Variants in BCL11B observed in about 807,000 individuals in gnomAD.
BCL11B encodes the protein BCL11 transcription factor B.
In BCL11B, 8 loss-of-function variants were observed where a neutral mutation model predicts 49.9. The observed-to-expected ratio is 0.16, with a 90% CI of 0.09 to 0.29. The LOEUF is 0.29. Ranked by LOEUF, BCL11B falls within the 10% of genes least tolerant of loss-of-function variation. The probability of loss-of-function intolerance (pLI) is 1.00; values close to 1 mark genes in which losing one functional copy is unlikely to be tolerated. For synonymous variants in BCL11B, 739 were observed against 637.4 expected (o/e 1.16, Z -2.40); for missense variants, 1,006 against 1,351.0 (o/e 0.74, Z 4.00).
In BCL11B at chr14:99,186,811, A is replaced by G. The variant is rs186880776; in HGVS notation, c.641-10616T>C. On this transcript the variant is annotated intron_variant, in intron 3 of 3. Transcript: ENST00000357195. The stretch of plus-strand genomic sequence containing the variant: ...CTGTTCAGTATTAAGGAAAATCTCA[A>G]TATAACAAAAGGATGCATGTGAACC... Among the ~76,000 whole-genome samples the G allele has an allele frequency of 2.7e-4, 41 of 152,320 alleles. No homozygotes were observed. In the South Asian group the frequency reaches 4.6e-3, roughly 17 times the overall value.
Position 99,248,997 on chromosome 14 carries a change from T to C in BCL11B, c.427+8474A>G, listed in dbSNP as rs1313786892. Among the ~76,000 whole-genome samples the C allele has an allele frequency of 6.6e-6, 1 of 152,156 alleles. No individual in the cohort carries two copies. The highest frequency in any genetic ancestry group is 1.5e-5 in the Non-Finnish European group (1 of 68,016). ...AACAGGGCCACTTGCCTGTAACTCA[T>C]GACGAGGTGGGGGCCAGCTCCTCCC... On this transcript the variant is annotated intron_variant, in intron 2 of 3. Coordinates refer to ENST00000357195, the MANE Select transcript of BCL11B (RefSeq NM_138576.4). The surrounding 1 kb of genome is among the most constrained non-coding windows in gnomAD (Gnocchi z 4.7).
intron 2 of BCL11B, among the ~76,000 whole-genome samples, chr14:99,245,288 G>A (rs1285266033): frequency 6.6e-6 from 1 of 152,238 alleles, no homozygotes; most frequent in Non-Finnish European, 1.5e-5. Context: ...AGGCTGAAAG[G>A]AGGACTGACA....
intron 3 of BCL11B, among the ~76,000 whole-genome samples, chr14:99,217,800 G>A (rs192401257): frequency 1.0e-3 from 159 of 152,170 alleles, no homozygotes; most frequent in African/African-American, 3.4e-3. Flanking sequence ...TGACCCCGCC[G>A]CCTGCCACCA....
At chr14:99,191,437 G>A (rs1176180003) in intron 3 of BCL11B, among the ~76,000 whole-genome samples, 2 of 152,060 alleles carry the variant, frequency 1.3e-5, no homozygotes, top group Admixed American at 6.6e-5. Flanking sequence ...AGAAAGTGGG[G>A]AGTCAGGAAG....
chr14:99,226,339 G>A (rs569023543), intron 3 of BCL11B, among the ~76,000 whole-genome samples: 1 of 152,106 alleles, frequency 6.6e-6, no homozygotes, highest in African/African-American at 2.4e-5. Flanking sequence ...GTCCACACAC[G>A]CTCACTCACA....
chr14:99,212,797 C>T (rs945511698), intron 3 of BCL11B, among the ~76,000 whole-genome samples: 3 of 152,192 alleles, frequency 2.0e-5, no homozygotes, highest in East Asian at 1.9e-4. Context: ...AGAAAGACTG[C>T]ACTGCAGAGG....
intron 3 of BCL11B, among the ~76,000 whole-genome samples, chr14:99,187,296 G>A (rs1327223757): frequency 2.6e-5 from 4 of 152,238 alleles, no homozygotes; most frequent in Admixed American, 2.0e-4. Flanking sequence ...CATGTGGCAA[G>A]TCATCTGCAG....
rs1888712550 is a variant in BCL11B at position 99,242,909 on chromosome 14, A to G, written c.428-11352T>C. ...AGACAGCTGTGTGCTCCATGGGGAT[A>G]AGTGCCAATTTTTGTTAGCTCTGAG... On this transcript the variant is annotated intron_variant, in intron 2 of 3. Transcript: ENST00000357195. This position sits in a 1 kb window ranked among gnomAD's most constrained non-coding sequence, Gnocchi z 4.4. Among the ~76,000 whole-genome samples the G allele has an allele frequency of 6.6e-6, 1 of 152,178 alleles. No individual in the cohort carries two copies. The highest frequency in any genetic ancestry group is 2.1e-4 in the South Asian group (1 of 4,828).
At chr14:99,211,270 T>A (rs1485612759) in intron 3 of BCL11B, among the ~76,000 whole-genome samples, 2 of 152,104 alleles carry the variant, frequency 1.3e-5, no homozygotes, top group Non-Finnish European at 2.9e-5. Context: ...CAGCAGAGGC[T>A]CCAGTCCCCA....
intron 3 of BCL11B, among the ~76,000 whole-genome samples, chr14:99,179,504 C>CAA: frequency 8.8e-6 from 1 of 113,612 alleles, no homozygotes; most frequent in Non-Finnish European, 2.0e-5. Context: ...AAAAAAGCTT[C>CAA]TAAAACTAAC....
intron 1 of BCL11B, 151 bp downstream of exon 1, chr14:99,271,010 C>T: frequency 2.6e-6 from 2 of 781,806 alleles, no homozygotes; most frequent in Non-Finnish European, 1.8e-6. Flanking sequence ...CCCCGCCCCC[C>T]GCCATGCTCC....
Position 99,241,935 on chromosome 14 carries a change from C to T in BCL11B, c.428-10378G>A, listed in dbSNP as rs2139917007. Among the ~76,000 whole-genome samples, 1 of 152,254 alleles carries T rather than the reference C, an allele frequency of 6.6e-6. No individual in the cohort carries two copies. Among genetic ancestry groups the T allele is most frequent in the East Asian group, 1.9e-4 (1 of 5,172 alleles). ...AAAACAGCCAACAGATTTTTCACTA[C>T]CGAAGACGCCAAGCGTAAACATGAT... is the stretch of plus-strand genomic sequence containing the variant. On this transcript the variant is annotated intron_variant, in intron 2 of 3. Coordinates refer to ENST00000357195, the MANE Select transcript of BCL11B (RefSeq NM_138576.4). The surrounding 1 kb of genome is among the most constrained non-coding windows in gnomAD (Gnocchi z 4.4).
rs1555378683 is a variant in BCL11B, at chr14:99,199,683, T to TGC, written c.641-23490_641-23489dup. Among the ~76,000 whole-genome samples the TGC allele has an allele frequency of 7.7e-3, 569 of 73,712 alleles. 8 individuals are homozygous for TGC. Among genetic ancestry groups the TGC allele is most frequent in the South Asian group, 0.042 (122 of 2,874 alleles). 48.4% of individuals were successfully genotyped at this position (73,712 alleles called of 152,430 possible). ...GTGTGTGTGTGTGTGTGTGTGTGTG[T>TGC]GCGCGCGCGCGCGCACGTGCACGTG... On this transcript the variant is annotated intron_variant, in intron 3 of 3. Transcript: ENST00000357195.
At chr14:99,253,788 T>C (rs1038869065) in intron 2 of BCL11B, among the ~76,000 whole-genome samples, 1 of 152,186 alleles carries the variant, frequency 6.6e-6, no homozygotes, top group Non-Finnish European at 1.5e-5. Flanking sequence ...ATGGGTCCTG[T>C]GCTCCCCTGA....
rs1342958214 is a variant in BCL11B at position 99,231,171 on chromosome 14, C to A, written c.640+174G>T. On this transcript the variant is annotated intron_variant, in intron 3 of 3. Coordinates refer to ENST00000357195, the MANE Select transcript of BCL11B (RefSeq NM_138576.4). This position sits in a 1 kb window ranked among gnomAD's most constrained non-coding sequence, Gnocchi z 8.1. ...GTGGGGGACTCCTGACCGAGGGGCA[C>A]CGGGCCCTGGCTCATAGTTCAGCGA... Among the ~76,000 whole-genome samples the A allele has an allele frequency of 6.6e-6, 1 of 152,178 alleles. No homozygotes were observed. Among genetic ancestry groups the A allele is most frequent in the East Asian group, 1.9e-4 (1 of 5,180 alleles).
chr14:99,174,907 C>A lies in BCL11B; in HGVS notation c.1929G>T (p.Gly643=). ...AGDDDDAGGC[G]DAGAGGAVNG... is the part of the protein sequence containing the mutation. ...TGACCGCGCCGCCCGCGCCCGCGTC[C>A]CCGCAGCCGCCCGCGTCGTCGTCGT... Residue 643 remains glycine, a synonymous_variant, in exon 4 of 4, where the codon GGG becomes GGT. Transcript: ENST00000357195. 3.6e-6 allele frequency: 4 copies of A among 1,107,386 alleles called. No individual in the cohort carries two copies. The highest frequency in any genetic ancestry group is 3.4e-5 in the African/African-American group (2 of 58,718). The allele number at this position is 1,107,386 out of a possible 1,614,324, so 68.6% of individuals were successfully genotyped here.
chr14:99,232,385 C>G lies in BCL11B; in HGVS notation c.428-828G>C, dbSNP rs1323200338. Among the ~76,000 whole-genome samples the G allele has an allele frequency of 2.6e-5, 4 of 152,374 alleles. No individual in the cohort carries two copies. In the East Asian group the frequency reaches 7.7e-4, roughly 29 times the overall value. On this transcript the variant is annotated intron_variant, in intron 2 of 3. Coordinates refer to ENST00000357195, the MANE Select transcript of BCL11B (RefSeq NM_138576.4). This position sits in a 1 kb window ranked among gnomAD's most constrained non-coding sequence, Gnocchi z 5.1. ...CCGTTTATCTTAAATGGCTAAGAGA[C>G]CACCAGGGCAAAACATTTGTGTGAA...
At chr14:99,208,955 G>A (rs1887612701) in intron 3 of BCL11B, among the ~76,000 whole-genome samples, 1 of 152,204 alleles carries the variant, frequency 6.6e-6, no homozygotes, top group Non-Finnish European at 1.5e-5. Context: ...CAAGAAGTGG[G>A]AGAGAGAGGC....
chr14:99,237,329 A>T (rs1888532461), intron 2 of BCL11B, among the ~76,000 whole-genome samples: 2 of 151,598 alleles, frequency 1.3e-5, no homozygotes, highest in Admixed American at 6.6e-5. Flanking sequence ...ATATACCAAC[A>T]ATCATCATCA....
Sources: allele counts gnomAD v4.1 joint callset (sites outside exome capture counted in the v4.1 genomes callset), GRCh38; gene constraint gnomAD v4.1.1; non-coding constraint Gnocchi (gnomAD v3.1); transcripts MANE v1.5; gene names NCBI Gene and HGNC (gene_info 2026-07-23, HGNC 2026-07-21).